Variants in EIF3H observed in about 807,000 individuals in gnomAD.
EIF3H encodes eIF-3-gamma.
Under a neutral mutation model 44.2 loss-of-function variants are expected in EIF3H, and 26 were observed. The ratio of observed to expected loss-of-function variants is 0.59; its 90% confidence interval spans 0.43 to 0.82. EIF3H has a LOEUF of 0.82. Among genes scored for constraint, EIF3H ranks in the 40% least tolerant of loss-of-function variants. The probability of loss-of-function intolerance (pLI) is 0.00; values close to 1 mark genes in which losing one functional copy is unlikely to be tolerated. For synonymous variants in EIF3H, 166 were observed against 151.9 expected (o/e 1.09, Z -0.68); for missense variants, 359 against 432.8 (o/e 0.83, Z 1.51).
intron 2 of EIF3H, among the ~76,000 whole-genome samples, chr8:116,712,676 A>C (rs1182300256): frequency 2.0e-5 from 3 of 152,152 alleles, no homozygotes; most frequent in Non-Finnish European, 4.4e-5. Flanking sequence ...ATAATCTCAA[A>C]CAGATATAAG....
intron 2 of EIF3H, among the ~76,000 whole-genome samples, chr8:116,693,316 A>AC (rs1399072240): frequency 2.0e-5 from 3 of 152,230 alleles, no homozygotes; most frequent in Non-Finnish European, 1.5e-5. Flanking sequence ...TGTTAGCTCA[A>AC]CAGAGTGAGC....
chr8:116,730,097 T>G (rs531831348), intron 1 of EIF3H, among the ~76,000 whole-genome samples: 4 of 152,348 alleles, frequency 2.6e-5, no homozygotes, highest in African/African-American at 9.6e-5. Context: ...GATCGTCCTA[T>G]TTCCTACATA....
At chr8:116,681,104 T>C (rs1182576947) in intron 2 of EIF3H, among the ~76,000 whole-genome samples, 2 of 152,188 alleles carry the variant, frequency 1.3e-5, no homozygotes, top group African/African-American at 4.8e-5. Flanking sequence ...GGCTCACACC[T>C]GTAATCCCAG....
At chr8:116,666,521 A>G (rs899077846) in intron 2 of EIF3H, among the ~76,000 whole-genome samples, 2 of 152,140 alleles carry the variant, frequency 1.3e-5, no homozygotes, top group Non-Finnish European at 2.9e-5. Flanking sequence ...ATACATATAT[A>G]CATTTATGGC....
At chr8:116,699,491 TAAAA>T (rs1374253361) in intron 2 of EIF3H, among the ~76,000 whole-genome samples, 1 of 151,936 alleles carries the variant, frequency 6.6e-6, no homozygotes, top group African/African-American at 2.4e-5. Flanking sequence ...AAGTGGGAGC[TAAAA>T]AATGGGTACT....
rs1038390592 is a variant in EIF3H at position 116,658,970 on chromosome 8, C to T, written c.300G>A (p.Gln100=). 46 of 1,611,086 alleles carry T rather than the reference C, an allele frequency of 2.9e-5. No homozygotes were observed. The highest frequency in any genetic ancestry group is 3.9e-5 in the Non-Finnish European group (46 of 1,178,596). ...GGCGAAGGCTCCGCATCATTTCCAT[C>T]TGATATTGGACTGGATGATGGGGAA... ...DDADFDEVQY[Q]MEMMRSLRHV... The change falls in exon 3 of 8, where the codon CAG becomes CAA. Residue 100 remains glutamine (Q), a synonymous_variant. Coordinates refer to ENST00000521861, the MANE Select transcript of EIF3H (RefSeq NM_003756.3).
chr8:116,700,399 TTTTTC>T (rs781321360), intron 2 of EIF3H, among the ~76,000 whole-genome samples: 16 of 152,326 alleles, frequency 1.1e-4, no homozygotes, highest in East Asian at 7.7e-4. Context: ...TTATAAGATT[TTTTTC>T]TTTTCTTTTC....
At chr8:116,691,885 A>AG (rs397967440) in intron 2 of EIF3H, among the ~76,000 whole-genome samples, 194 of 151,444 alleles carry the variant, frequency 1.3e-3, no homozygotes, top group African/African-American at 4.6e-3. Flanking sequence ...AAAAAAAAAA[A>AG]GAGGAGGTAC....
chr8:116,759,095 G>T (rs904643204), upstream of EIF3H, among the ~76,000 whole-genome samples: 1 of 152,192 alleles, frequency 6.6e-6, no homozygotes, highest in South Asian at 2.1e-4. Context: ...CTCCCATAAG[G>T]AAGTTCAATA....
At chr8:116,729,216 C>A (rs1814911010) in intron 1 of EIF3H, among the ~76,000 whole-genome samples, 1 of 152,112 alleles carries the variant, frequency 6.6e-6, no homozygotes, top group African/African-American at 2.4e-5. Flanking sequence ...GTTCTTCAGA[C>A]AAATTCTAGA....
intron 1 of EIF3H, among the ~76,000 whole-genome samples, chr8:116,744,110 G>A (rs1815187929): frequency 6.6e-6 from 1 of 151,470 alleles, no homozygotes; most frequent in Admixed American, 6.6e-5. Context: ...AATAGTCAAA[G>A]ACGATACCAG....
chr8:116,699,841 G>A (rs901965088), intron 2 of EIF3H, among the ~76,000 whole-genome samples: 7 of 151,946 alleles, frequency 4.6e-5, no homozygotes, highest in South Asian at 2.1e-4. Flanking sequence ...ATGGAGTTTC[G>A]CTCTTGTTGC....
intron 2 of EIF3H, among the ~76,000 whole-genome samples, chr8:116,671,713 T>C (rs996856440): frequency 6.6e-6 from 1 of 152,220 alleles, no homozygotes; most frequent in African/African-American, 2.4e-5. Flanking sequence ...TTCTAGGGTC[T>C]ACTCAAATGC....
chr8:116,743,799 A>ACACACAC (rs1563659950), intron 1 of EIF3H, among the ~76,000 whole-genome samples: 2 of 87,074 alleles, frequency 2.3e-5, no homozygotes, highest in African/African-American at 3.8e-5. Context: ...TATATATATA[A>ACACACAC]ACACACACAC....
intron 2 of EIF3H, among the ~76,000 whole-genome samples, chr8:116,672,674 T>C (rs1191657783): frequency 6.6e-6 from 1 of 151,304 alleles, no homozygotes; most frequent in Non-Finnish European, 1.5e-5. Flanking sequence ...CAGTGGTCAG[T>C]GGTCAGGAGA....
At chr8:116,661,369 A>G (rs1813584280) in intron 2 of EIF3H, among the ~76,000 whole-genome samples, 1 of 152,226 alleles carries the variant, frequency 6.6e-6, no homozygotes, top group Admixed American at 6.5e-5. Flanking sequence ...TTTAGCTACA[A>G]TATAAGAAGA....
At chr8:116,732,085 C>G (rs966203528) in intron 1 of EIF3H, among the ~76,000 whole-genome samples, 2 of 152,168 alleles carry the variant, frequency 1.3e-5, no homozygotes, top group African/African-American at 4.8e-5. Context: ...AAACAGATGT[C>G]CTGTCTGCTG....
At chr8:116,647,151 T>G (rs922920865) in intron 6 of EIF3H, among the ~76,000 whole-genome samples, 1 of 152,034 alleles carries the variant, frequency 6.6e-6, no homozygotes, top group Admixed American at 6.5e-5. Context: ...AGTGGCACAA[T>G]CTTGGCTCAC....
intron 2 of EIF3H, among the ~76,000 whole-genome samples, chr8:116,678,762 G>A (rs1380981975): frequency 1.1e-4 from 15 of 132,532 alleles, no homozygotes; most frequent in Admixed American, 4.3e-4. Context: ...CCTGGCAACC[G>A]CCCCGTCTGA....
Sources: allele counts gnomAD v4.1 joint callset (sites outside exome capture counted in the v4.1 genomes callset), GRCh38; gene constraint gnomAD v4.1.1; transcripts MANE v1.5; gene names NCBI Gene and HGNC (gene_info 2026-07-23, HGNC 2026-07-21).